The following MYO1H variants were observed in gnomAD, a reference collection of about 807,000 sequenced individuals.
MYO1H encodes myosin IH.
MYO1H carries 118 observed loss-of-function variants against 149.3 expected under a neutral mutation model. That is an observed-to-expected ratio of 0.79 (90% CI 0.68 to 0.92). The LOEUF is 0.92. Among genes scored for constraint, MYO1H ranks in the 40% least tolerant of loss-of-function variants. The pLI is 0.00. For synonymous variants in MYO1H, 447 were observed against 465.2 expected (o/e 0.96, Z 0.50); for missense variants, 1,212 against 1,280.7 (o/e 0.95, Z 0.82).
intron 1 of MYO1H, among the ~76,000 whole-genome samples, chr12:109,384,104 A>G (rs983987847): frequency 4.6e-5 from 7 of 152,200 alleles, no homozygotes; most frequent in African/African-American, 1.4e-4. Flanking sequence ...TTCTGGCAAC[A>G]CAGGCCCTAT....
At position 109,442,237 on chromosome 12, in the gene MYO1H, A is replaced by T. The variant is rs368627459; in HGVS notation, c.2653A>T (p.Lys885Ter). 1.1e-5 allele frequency: 17 copies of T among 1,613,876 alleles called. No homozygotes were observed. Among genetic ancestry groups the T allele is most frequent in the Non-Finnish European group, 1.4e-5 (16 of 1,179,858 alleles). The change falls in exon 27 of 32, where the codon AAA becomes TAA. Residue 885 changes from lysine (K) to a stop codon, truncating the protein, a stop_gained. Transcript: ENST00000310903. LOFTEE classifies it high-confidence loss of function. The stretch of plus-strand genomic sequence containing the variant: ...TCTAGATGAAGGAGACATTAATCCG[A>T]AAGTGCTTCAGCTAATTAGCCATGA...
chr12:109,412,293 G>A (rs1264332259), intron 14 of MYO1H, among the ~76,000 whole-genome samples: 1 of 152,040 alleles, frequency 6.6e-6, no homozygotes, highest in African/African-American at 2.4e-5. Context: ...AAGAAGCCAG[G>A]ACTACAAACA....
chr12:109,354,820 A>T (rs569390984), intron 1 of MYO1H, among the ~76,000 whole-genome samples: 2 of 152,308 alleles, frequency 1.3e-5, no homozygotes, highest in South Asian at 4.1e-4. Flanking sequence ...CTTCAACAAG[A>T]GGAATCTTAG....
intron 15 of MYO1H, among the ~76,000 whole-genome samples, chr12:109,417,805 T>TTTTTG (rs200539969): frequency 8.0e-5 from 12 of 150,168 alleles, no homozygotes; most frequent in East Asian, 1.9e-4. Flanking sequence ...AGATTGGGTT[T>TTTTTG]TTTTGTTTTG....
rs1465930549 is a variant in MYO1H, at chr12:109,397,721, T to C, written c.490-11T>C. 1 of 1,607,538 alleles carries C rather than the reference T, an allele frequency of 6.2e-7. No individual in the cohort carries two copies. The highest frequency in any genetic ancestry group is 8.5e-7 in the Non-Finnish European group (1 of 1,176,938). ...GCTTAAATGACAGTGAATGACACTT[T>C]GTATTCCAAGGCTTTTGGAAATGCC... On this transcript the variant is annotated splice_polypyrimidine_tract_variant and intron_variant, in intron 4 of 31. Coordinates refer to ENST00000310903, the Ensembl canonical transcript of MYO1H.
intron 1 of MYO1H, among the ~76,000 whole-genome samples, chr12:109,383,323 C>T (rs757876072): frequency 1.4e-4 from 22 of 152,328 alleles, no homozygotes; most frequent in Non-Finnish European, 2.8e-4. Context: ...GTAGCCAAAA[C>T]AGCTGGCCAA....
chr12:109,409,243 CTTCTTTTTTTTTTTTTT>C (rs1870548798), intron 10 of MYO1H, among the ~76,000 whole-genome samples: 1 of 59,070 alleles, frequency 1.7e-5, no homozygotes, highest in Non-Finnish European at 3.4e-5. Flanking sequence ...TCTTCTTCTT[CTTCTTTTTTTTTTTTTT>C]TTTTTTTTTT....
chr12:109,347,092 C>T (rs113853700), upstream of MYO1H, among the ~76,000 whole-genome samples: 356 of 152,270 alleles, frequency 2.3e-3, 2 homozygotes, highest in African/African-American at 8.2e-3. Flanking sequence ...ACCCACAGTC[C>T]TCCATCCAAC....
At chr12:109,432,749 T>A (rs1871686609) in intron 19 of MYO1H, 148 bp from the exon 20 acceptor site, 4 of 631,488 alleles carry the variant, frequency 6.3e-6, no homozygotes, top group South Asian at 6.0e-5. Context: ...ATCTTTGAAT[T>A]CGAGAAAGTT....
At position 109,443,028 on chromosome 12, in the gene MYO1H, A is replaced by ATGTG. The variant is rs1190606380; in HGVS notation, c.2689-470_2689-467dup. On this transcript the variant is annotated intron_variant, in intron 27 of 31. Transcript: ENST00000310903. Reference sequence around the variant, plus strand: ...AAAAAAAATATATATATATATATATATGTGTGTGTGTGTGTGTGTATATAT... The same window carrying ATGTG: ...AAAAAAAATATATATATATATATATATGTGTGTGTGTGTGTGTGTGTGTATATAT... Among the ~76,000 whole-genome samples the ATGTG allele has an allele frequency of 6.1e-5, 5 of 82,300 alleles. 1 individual carries two copies. The highest frequency in any genetic ancestry group is 2.8e-4 in the African/African-American group (5 of 18,008). The allele number at this position is 82,300 out of a possible 152,430, so 54.0% of individuals were successfully genotyped here. A position where few individuals can be genotyped will look rare whatever the true frequency, so the allele number is the denominator to read the frequency against.
At chr12:109,447,314 G>T in exon 32 of MYO1H, 1 of 825,196 alleles carries the variant, frequency 1.2e-6, no homozygotes, top group South Asian at 1.4e-5. Flanking sequence ...GATCACATCT[G>T]AAGAAACTGA....
intron 21 of MYO1H, among the ~76,000 whole-genome samples, chr12:109,435,661 T>C (rs1200780595): frequency 2.0e-5 from 3 of 152,240 alleles, no homozygotes; most frequent in Admixed American, 6.5e-5. Flanking sequence ...CTTTAAACCA[T>C]GGTCTCATTC....
At chr12:109,442,596 C>G (rs962457419) in intron 27 of MYO1H, among the ~76,000 whole-genome samples, 1 of 152,132 alleles carries the variant, frequency 6.6e-6, no homozygotes, top group Non-Finnish European at 1.5e-5. Context: ...AGTGCCTGGG[C>G]ACTGACACTT....
intron 15 of MYO1H, among the ~76,000 whole-genome samples, chr12:109,418,485 G>A (rs528452998): frequency 5.3e-5 from 8 of 152,172 alleles, no homozygotes; most frequent in Admixed American, 2.6e-4. Context: ...GAGTAGCTGG[G>A]ATTATAGATG....
At chr12:109,388,484 A>G (rs1869481794) in intron 1 of MYO1H, among the ~76,000 whole-genome samples, 199 bp from the exon 2 acceptor site, 2 of 152,210 alleles carry the variant, frequency 1.3e-5, no homozygotes, top group Non-Finnish European at 2.9e-5. Context: ...CTTGGTTCCT[A>G]TCAGCTGCTG....
chr12:109,341,491 A>G, the MYO1H span, among the ~76,000 whole-genome samples: 2 of 152,350 alleles, frequency 1.3e-5, no homozygotes, highest in Admixed American at 1.3e-4. Context: ...AGAGTTTGCT[A>G]TAGCAAGGGA....
intron 1 of MYO1H, among the ~76,000 whole-genome samples, chr12:109,383,506 A>G (rs1345186175): frequency 1.3e-5 from 2 of 152,200 alleles, no homozygotes; most frequent in Non-Finnish European, 2.9e-5. Flanking sequence ...CACAAAGTCT[A>G]CTGTGGGTGT....
At chr12:109,317,304 A>G in the MYO1H span, among the ~76,000 whole-genome samples, 3 of 152,226 alleles carry the variant, frequency 2.0e-5, no homozygotes, top group African/African-American at 7.2e-5. Flanking sequence ...TAACCAAGTA[A>G]TAAGTCTGTT....
At chr12:109,327,214 CCTCTGCCTCCTGGGTTCAAGCAATT>C in the MYO1H span, among the ~76,000 whole-genome samples, 6 of 146,730 alleles carry the variant, frequency 4.1e-5, no homozygotes, top group African/African-American at 1.5e-4. Context: ...CTCCCTGCAA[CCTCTGCCTCCTGGGTTCAAGCAATT>C]CTCTGCCTCA....
Sources: gnomAD v4.1 joint callset for allele counts (sites outside exome capture counted in the v4.1 genomes callset) on GRCh38, gnomAD v4.1.1 for gene constraint, MANE v1.5 for transcripts, NCBI Gene and HGNC (gene_info 2026-07-23, HGNC 2026-07-21) for gene names.